VRK2: variants seen among roughly 807,000 people sequenced by gnomAD.
VRK2 encodes serine/threonine-protein kinase VRK2.
A neutral mutation model predicts 57.6 loss-of-function variants in VRK2; 60 were observed. The ratio of observed to expected loss-of-function variants is 1.04; its 90% CI spans 0.85 to 1.29. The LOEUF (loss-of-function observed/expected upper bound fraction) is 1.29, where lower values mean the gene tolerates loss of function less well. Ranked by LOEUF, VRK2 falls within the 50% of genes most tolerant of loss-of-function variation. The pLI is 0.00. For missense variants in VRK2, 705 were observed against 588.1 expected (o/e 1.20, Z -2.06); for synonymous variants, 231 against 199.2 (o/e 1.16, Z -1.35).
At chr2:58,018,686 T>C (rs1427325655) in intron 1 of VRK2, among the ~76,000 whole-genome samples, 2 of 152,198 alleles carry the variant, frequency 1.3e-5, no homozygotes, top group Admixed American at 6.5e-5. Flanking sequence ...AACTTTGGTG[T>C]TGTTTATTTA....
At chr2:58,159,086 A>ATAAAT (rs971068499) in intron 12 of VRK2, among the ~76,000 whole-genome samples, 1 of 152,158 alleles carries the variant, frequency 6.6e-6, no homozygotes, top group African/African-American at 2.4e-5. Context: ...TTTTTAGATT[A>ATAAAT]TAAATTACTT....
intron 12 of VRK2, among the ~76,000 whole-genome samples, chr2:58,156,854 AT>A (rs1683958128): frequency 6.6e-6 from 1 of 151,862 alleles, no homozygotes; most frequent in Admixed American, 6.6e-5. Context: ...ATCTCTGTTA[AT>A]TTTTTCTCCT....
chr2:58,091,481 T>C (rs1672369575), intron 7 of VRK2, among the ~76,000 whole-genome samples: 1 of 152,024 alleles, frequency 6.6e-6, no homozygotes, highest in Non-Finnish European at 1.5e-5. Flanking sequence ...TTTAACTTAA[T>C]TTAAACTTAA....
chr2:57,953,882 A>C (rs1302053031), intron 1 of VRK2, among the ~76,000 whole-genome samples: 1 of 152,154 alleles, frequency 6.6e-6, no homozygotes, highest in Non-Finnish European at 1.5e-5. Flanking sequence ...TTCTTCAAAA[A>C]AACTGAATAA....
intron 3 of VRK2, among the ~76,000 whole-genome samples, chr2:58,038,422 G>A (rs1674342187): frequency 6.6e-6 from 1 of 152,052 alleles, no homozygotes. Flanking sequence ...ACTAACATGA[G>A]CACACACAGG....
In VRK2 at chr2:57,933,315, T is replaced by TC. The variant is rs1383764510; in HGVS notation, c.-439+25476_-439+25477insC. Among the ~76,000 whole-genome samples the TC allele has an allele frequency of 1.3e-3, 174 of 131,038 alleles. 2 individuals are homozygous for TC. The highest frequency in any genetic ancestry group is 4.1e-3 in the Admixed American group (55 of 13,434). The allele number at this position is 131,038 out of a possible 152,430, so 86.0% of individuals were successfully genotyped here. On this transcript the variant is annotated intron_variant, in intron 1 of 15. Transcript: ENST00000417641. ...TTCTTATTTCTTTCTTTTTCTTTTTTTTTTTTTTTTTTTTTTGAGGCAGTA... is the reference window on the plus strand; with the variant it reads ...TTCTTATTTCTTTCTTTTTCTTTTTTCTTTTTTTTTTTTTTTTGAGGCAGTA...
chr2:58,050,380 T>C (rs1221688735), intron 2 of VRK2, among the ~76,000 whole-genome samples: 1 of 152,282 alleles, frequency 6.6e-6, no homozygotes, highest in East Asian at 1.9e-4. Context: ...ATAAAGACTA[T>C]GTGAGGATAA....
intron 11 of VRK2, among the ~76,000 whole-genome samples, chr2:58,143,118 G>C (rs1681583556): frequency 2.0e-5 from 3 of 151,798 alleles, no homozygotes; most frequent in Admixed American, 6.6e-5. Flanking sequence ...TAAGCTTTAA[G>C]TCTCAAAATA....
At chr2:58,142,980 C>T (rs897389809) in intron 11 of VRK2, among the ~76,000 whole-genome samples, 1 of 151,864 alleles carries the variant, frequency 6.6e-6, no homozygotes, top group African/African-American at 2.4e-5. Context: ...AGCTGCAGGT[C>T]AGAGCTAAAA....
At chr2:58,103,845 A>G (rs1269031583) in intron 7 of VRK2, among the ~76,000 whole-genome samples, 1 of 151,818 alleles carries the variant, frequency 6.6e-6, no homozygotes, top group Non-Finnish European at 1.5e-5. Flanking sequence ...CAAAGTCCTC[A>G]ACAAAAACTA....
intron 12 of VRK2, among the ~76,000 whole-genome samples, chr2:58,153,405 AAG>A (rs1445898722): frequency 6.6e-6 from 1 of 151,986 alleles, no homozygotes; most frequent in African/African-American, 2.4e-5. Flanking sequence ...CTAATGTACT[AAG>A]AGTTTTCATC....
At chr2:57,926,427 A>G (rs1670534307) in intron 1 of VRK2, among the ~76,000 whole-genome samples, 1 of 103,472 alleles carries the variant, frequency 9.7e-6, no homozygotes, top group South Asian at 3.0e-4. Context: ...ACATATATAT[A>G]TACATATATA....
chr2:57,916,624 C>T (rs1466120010), intron 1 of VRK2, among the ~76,000 whole-genome samples: 2 of 151,974 alleles, frequency 1.3e-5, no homozygotes, highest in Admixed American at 6.6e-5. Flanking sequence ...TAAAAAACCT[C>T]TTTGTAATCA....
At chr2:58,135,239 C>T (rs537296653) in intron 10 of VRK2, 40 bp downstream of exon 10, 2 of 1,608,918 alleles carry the variant, frequency 1.2e-6, no homozygotes, top group East Asian at 2.2e-5. Flanking sequence ...TTACGATTTA[C>T]AGGTTGCCAC....
chr2:57,908,813 A>C (rs1669903799), intron 1 of VRK2, among the ~76,000 whole-genome samples: 1 of 152,168 alleles, frequency 6.6e-6, no homozygotes, highest in South Asian at 2.1e-4. Flanking sequence ...TGAGCAGCTA[A>C]AACGAGTAGA....
chr2:58,083,524 G>A (rs182180966), intron 2 of VRK2, among the ~76,000 whole-genome samples: 2 of 151,904 alleles, frequency 1.3e-5, no homozygotes, highest in Admixed American at 6.6e-5. Context: ...TAATGTAAAA[G>A]TAATTGATTA....
At chr2:58,064,070 A>T (rs1444506252) in intron 2 of VRK2, among the ~76,000 whole-genome samples, 1 of 152,138 alleles carries the variant, frequency 6.6e-6, no homozygotes, top group East Asian at 1.9e-4. Context: ...ATTCATGAGG[A>T]GTTGCTTCTT....
chr2:58,003,457 T>C (rs939620273), intron 1 of VRK2, among the ~76,000 whole-genome samples: 2 of 152,148 alleles, frequency 1.3e-5, no homozygotes, highest in African/African-American at 2.4e-5. Context: ...ATTATCTCTA[T>C]TATTTACATT....
At chr2:57,967,313 T>C (rs1342573814) in intron 1 of VRK2, among the ~76,000 whole-genome samples, 6 of 152,032 alleles carry the variant, frequency 3.9e-5, no homozygotes, top group Admixed American at 3.9e-4. Context: ...CCATGGTACA[T>C]GTATACCTAT....
Sources: gnomAD v4.1 joint callset for allele counts (sites outside exome capture counted in the v4.1 genomes callset) on GRCh38, gnomAD v4.1.1 for gene constraint, MANE v1.5 for transcripts, NCBI Gene and HGNC (gene_info 2026-07-23, HGNC 2026-07-21) for gene names.